The following ESRRG variants were observed in gnomAD, a reference collection of about 807,000 sequenced individuals.
ESRRG encodes estrogen-related receptor gamma.
Under a neutral mutation model 44.0 loss-of-function variants are expected in ESRRG, and 13 were observed. The observed-to-expected ratio is 0.30, with a 90% CI of 0.19 to 0.47. The LOEUF (loss-of-function observed/expected upper bound fraction) is 0.47. ESRRG is among the 20% of genes least tolerant of loss of function. ESRRG has a pLI of 1.00. For missense variants in ESRRG, 395 were observed against 580.6 expected (o/e 0.68, Z 3.29); for synonymous variants, 215 against 214.6 (o/e 1.00, Z -0.02).
At chr1:216,608,920 G>A (rs2060268379) in intron 3 of ESRRG, among the ~76,000 whole-genome samples, 1 of 152,164 alleles carries the variant, frequency 6.6e-6, no homozygotes, top group African/African-American at 2.4e-5. Context: ...TGTGTCTTCT[G>A]AAAGATGTAC....
chr1:216,574,462 AT>A (rs1233603428), intron 3 of ESRRG, among the ~76,000 whole-genome samples: 2 of 152,132 alleles, frequency 1.3e-5, no homozygotes, highest in African/African-American at 2.4e-5. Context: ...GCAAATTTTT[AT>A]AATATTCTGT....
chr1:216,687,147 C>G (rs1030862749), intron 1 of ESRRG, among the ~76,000 whole-genome samples: 1 of 152,018 alleles, frequency 6.6e-6, no homozygotes, highest in African/African-American at 2.4e-5. Context: ...CAACCACATT[C>G]AACTGAAGAC....
chr1:217,047,743 CT>C (rs1362303503), intron 1 of ESRRG, among the ~76,000 whole-genome samples: 3 of 152,242 alleles, frequency 2.0e-5, no homozygotes, highest in African/African-American at 7.2e-5. Flanking sequence ...TCAAAGCTGA[CT>C]TGCTTGATCT....
intron 2 of ESRRG, among the ~76,000 whole-genome samples, chr1:216,654,443 A>G (rs2069883775): frequency 6.6e-6 from 1 of 152,126 alleles, no homozygotes; most frequent in Non-Finnish European, 1.5e-5. Context: ...GAGCCTGATC[A>G]ACATGGTGAA....
At chr1:216,844,272 C>A (rs982085790) in intron 2 of ESRRG, among the ~76,000 whole-genome samples, 104 of 152,038 alleles carry the variant, frequency 6.8e-4, no homozygotes, top group African/African-American at 2.4e-3. Context: ...TAAGGAAGAA[C>A]TAAATAGGTG....
At chr1:216,645,185 GA>G (rs970578071) in intron 3 of ESRRG, among the ~76,000 whole-genome samples, 2 of 151,868 alleles carry the variant, frequency 1.3e-5, no homozygotes, top group Non-Finnish European at 2.9e-5. Flanking sequence ...TGTTAACTTT[GA>G]AAAAAATAAC....
chr1:216,957,291 C>T (rs1348420594), intron 1 of ESRRG, among the ~76,000 whole-genome samples: 1 of 152,082 alleles, frequency 6.6e-6, no homozygotes, highest in African/African-American at 2.4e-5. Flanking sequence ...TTTTGAATAC[C>T]ATATATGTAC....
At chr1:216,977,691 T>G (rs902710458) in intron 1 of ESRRG, among the ~76,000 whole-genome samples, 1 of 152,120 alleles carries the variant, frequency 6.6e-6, no homozygotes, top group Non-Finnish European at 1.5e-5. Flanking sequence ...CCTGCATTGG[T>G]GGCTAAGAAT....
chr1:216,972,113 C>T (rs2071808194), intron 1 of ESRRG, among the ~76,000 whole-genome samples: 1 of 152,020 alleles, frequency 6.6e-6, no homozygotes, highest in African/African-American at 2.4e-5. Context: ...TGCACTTTAG[C>T]CTTGAATCCA....
intron 1 of ESRRG, among the ~76,000 whole-genome samples, chr1:217,127,209 T>C (rs1205403063): frequency 6.6e-6 from 1 of 152,246 alleles, no homozygotes; most frequent in Non-Finnish European, 1.5e-5. Context: ...CAAGAGAACT[T>C]TGCAAAGCTA....
At chr1:216,514,805 G>A (rs2043711905) in intron 6 of ESRRG, among the ~76,000 whole-genome samples, 2 of 152,166 alleles carry the variant, frequency 1.3e-5, no homozygotes, top group South Asian at 4.1e-4. Flanking sequence ...AATCAAATAA[G>A]ATTCCCTAGA....
At chr1:216,534,530 A>T (rs2149170811) in intron 5 of ESRRG, among the ~76,000 whole-genome samples, 2 of 152,252 alleles carry the variant, frequency 1.3e-5, no homozygotes, top group South Asian at 4.1e-4. Flanking sequence ...GAACAACAAA[A>T]ATTCATGCTG....
chr1:216,650,909 A>C, intron 3 of ESRRG, 64 bp downstream of exon 3: 1 of 954,554 alleles, frequency 1.0e-6, no homozygotes, highest in Non-Finnish European at 1.7e-6. Context: ...AAACTGGTGG[A>C]ATTTTTTGCC....
At chr1:216,544,398 G>T (rs1157735267) in intron 5 of ESRRG, among the ~76,000 whole-genome samples, 1 of 151,950 alleles carries the variant, frequency 6.6e-6, no homozygotes, top group Non-Finnish European at 1.5e-5. Context: ...TGCTGACTCA[G>T]AATCTGCACA....
intron 2 of ESRRG, among the ~76,000 whole-genome samples, chr1:216,747,528 G>A (rs1372050200): frequency 6.6e-6 from 1 of 152,078 alleles, no homozygotes; most frequent in African/African-American, 2.4e-5. Flanking sequence ...TGATTTCTCT[G>A]GATATCCCAG....
intron 3 of ESRRG, among the ~76,000 whole-genome samples, chr1:216,608,573 T>A (rs2060224569): frequency 6.6e-6 from 1 of 152,182 alleles, no homozygotes; most frequent in South Asian, 2.1e-4. Flanking sequence ...ACAACATTAC[T>A]GGGCCCTTGT....
intron 1 of ESRRG, among the ~76,000 whole-genome samples, chr1:217,053,465 A>AGAAAG (rs2086482685): frequency 6.9e-6 from 1 of 145,514 alleles, no homozygotes; most frequent in Non-Finnish European, 1.5e-5. Context: ...AAAGCCAAAA[A>AGAAAG]AAAGAAAGAA....
chr1:216,864,927 G>A (rs2096122425), intron 2 of ESRRG: 1 of 151,964 alleles, frequency 6.6e-6, no homozygotes. Flanking sequence ...CATCACAGAG[G>A]CTCAAAGCTG....
At chr1:216,939,393 A>T (rs1054716989) in intron 2 of ESRRG, among the ~76,000 whole-genome samples, 10 of 140,956 alleles carry the variant, frequency 7.1e-5, no homozygotes, top group Non-Finnish European at 1.4e-4. Context: ...ATTTAAAATG[A>T]TGTTTTTACA....
Sources: allele counts gnomAD v4.1 joint callset (sites outside exome capture counted in the v4.1 genomes callset), GRCh38; gene constraint gnomAD v4.1.1; transcripts MANE v1.5; gene names NCBI Gene and HGNC (gene_info 2026-07-23, HGNC 2026-07-21).